KCNQ1OT1: variants seen among roughly 807,000 people sequenced by gnomAD.
KCNQ1OT1 encodes the protein KCNQ1 opposite strand/antisense transcript 1, also known as KCNQ1 antisense RNA 2 (non-protein coding).
At chr11:2,660,890 T>C (rs1849943611) in exon 1 of KCNQ1OT1, 1 of 398,526 alleles carries the variant, frequency 2.5e-6, no homozygotes, top group Non-Finnish European at 4.4e-6. Context: ...CATCATAGTC[T>C]GAATAATTAA....
At chr11:2,628,557 T>C (rs938796378) in exon 1 of KCNQ1OT1, 5 of 398,354 alleles carry the variant, frequency 1.3e-5, no homozygotes, top group African/African-American at 4.1e-5. Flanking sequence ...TTATCAGATA[T>C]ATGGTTGGAA....
exon 1 of KCNQ1OT1, chr11:2,684,794 C>A: frequency 2.5e-6 from 1 of 398,648 alleles, no homozygotes; most frequent in South Asian, 1.3e-4. Context: ...CCCCACTGGT[C>A]TGGGCACATT....
rs58007669 is a variant in KCNQ1OT1 at position 2,628,077 on chromosome 11, A to G, written n.71918T>C. ...ATACTATGTTGCTCATTTCTTGACT[A>G]CTGTAACACTACAATGAACATGGGA... is the stretch of plus-strand genomic sequence containing the variant. On this transcript the variant is annotated non_coding_transcript_exon_variant, in exon 1 of 1. Transcript: ENST00000597346. The G allele has an allele frequency of 5.8e-3, 2,320 of 398,594 alleles. 54 individuals are homozygous for G. Among genetic ancestry groups the G allele is most frequent in the African/African-American group, 0.043 (2,119 of 48,736 alleles). 24.7% of individuals were successfully genotyped at this position (398,594 alleles called of 1,614,324 possible).
At position 2,698,441 on chromosome 11, in the gene KCNQ1OT1, G is replaced by A; in HGVS notation, n.1554C>T. 1 of 374,928 alleles carries A rather than the reference G, an allele frequency of 2.7e-6. No homozygotes were observed. Among genetic ancestry groups the A allele is most frequent in the Non-Finnish European group, 4.6e-6 (1 of 219,296 alleles). The allele number at this position is 374,928 out of a possible 1,614,324, so 23.2% of individuals were successfully genotyped here. Reference sequence around the variant, plus strand: ...GCCCTTCAAGCCTACTACCCAGACTGAGACCTGCATCTGATCAACTCTCAT... The same window carrying A: ...GCCCTTCAAGCCTACTACCCAGACTAAGACCTGCATCTGATCAACTCTCAT... On this transcript the variant is annotated non_coding_transcript_exon_variant, in exon 1 of 1. Coordinates refer to ENST00000597346, the Ensembl canonical transcript of KCNQ1OT1. This position sits in a 1 kb window ranked among gnomAD's most constrained non-coding sequence, Gnocchi z 5.1.
At chr11:2,640,349 C>A (rs1398429962) in exon 1 of KCNQ1OT1, 3 of 398,492 alleles carry the variant, frequency 7.5e-6, no homozygotes, top group African/African-American at 2.1e-5. Flanking sequence ...CATCTTGGAA[C>A]CACCCCACTT....
exon 1 of KCNQ1OT1, chr11:2,610,401 A>C (rs1437788331): frequency 2.5e-6 from 1 of 398,212 alleles, no homozygotes; most frequent in Non-Finnish European, 4.4e-6. Context: ...GCAAGTATAT[A>C]TTTCTAGTTT....
In KCNQ1OT1 at chr11:2,668,148, G is replaced by A; in HGVS notation, n.31847C>T. On this transcript the variant is annotated non_coding_transcript_exon_variant, in exon 1 of 1. Transcript: ENST00000597346. This position sits in a 1 kb window ranked among gnomAD's most constrained non-coding sequence, Gnocchi z 4.3. ...CAGCCTCTCTATGGGGCTGAAGGGA[G>A]AGTGCTCCCTCATGCTCCTTGCTGA... The A allele has an allele frequency of 5.0e-6, 2 of 398,668 alleles. No homozygotes were observed. The highest frequency in any genetic ancestry group is 8.8e-6 in the Non-Finnish European group (2 of 226,092). The allele number at this position is 398,668 out of a possible 1,614,324, so 24.7% of individuals were successfully genotyped here. A position where few individuals can be genotyped will look rare whatever the true frequency, so the allele number is the denominator to read the frequency against.
Position 2,671,644 on chromosome 11 carries a change from CTGCT to C in KCNQ1OT1, n.28347_28350del. 2.5e-6 allele frequency: 1 copy of C among 397,432 alleles called. No homozygotes were observed. The highest frequency in any genetic ancestry group is 4.4e-6 in the Non-Finnish European group (1 of 225,800). 24.6% of individuals were successfully genotyped at this position (397,432 alleles called of 1,614,324 possible). ...TGCCACAGCAGTGTCCTGTGGTGCC[CTGCT>C]GGGGAAACTGAGGCAGAGAGCAGGG... On this transcript the variant is annotated non_coding_transcript_exon_variant, in exon 1 of 1. Coordinates refer to ENST00000597346, the Ensembl canonical transcript of KCNQ1OT1. This position sits in a 1 kb window ranked among gnomAD's most constrained non-coding sequence, Gnocchi z 4.7.
Position 2,657,283 on chromosome 11 carries a change from G to C in KCNQ1OT1, n.42712C>G. ...GCCTTGAGATTTTTATTAAGATTTG[G>C]AGAGATTTATTCAGATTTTGAGATA... On this transcript the variant is annotated non_coding_transcript_exon_variant, in exon 1 of 1. Transcript: ENST00000597346. This position sits in a 1 kb window ranked among gnomAD's most constrained non-coding sequence, Gnocchi z 4.8. The C allele has an allele frequency of 2.5e-6, 1 of 398,590 alleles. No individual in the cohort carries two copies. Among genetic ancestry groups the C allele is most frequent in the East Asian group, 3.6e-5 (1 of 28,078 alleles). 24.7% of individuals were successfully genotyped at this position (398,590 alleles called of 1,614,324 possible). A position where few individuals can be genotyped will look rare whatever the true frequency, so the allele number is the denominator to read the frequency against.
rs1263879107 is a variant in KCNQ1OT1, at chr11:2,654,349, G to C, written n.45646C>G. ...GGGGCTTCTACTTGCAAAGGATAGG[G>C]AGAGCTTCTGTTCATCCTTGTGAAG... On this transcript the variant is annotated non_coding_transcript_exon_variant, in exon 1 of 1. Transcript: ENST00000597346. This position sits in a 1 kb window ranked among gnomAD's most constrained non-coding sequence, Gnocchi z 6.4. The C allele has an allele frequency of 2.5e-6, 1 of 398,608 alleles. No homozygotes were observed. Among genetic ancestry groups the C allele is most frequent in the Non-Finnish European group, 4.4e-6 (1 of 226,204 alleles). 24.7% of individuals were successfully genotyped at this position (398,608 alleles called of 1,614,324 possible). A position where few individuals can be genotyped will look rare whatever the true frequency, so the allele number is the denominator to read the frequency against.
At chr11:2,633,702 C>CT (rs1849401708) in exon 1 of KCNQ1OT1, 9 of 398,438 alleles carry the variant, frequency 2.3e-5, no homozygotes, top group East Asian at 1.4e-4. Context: ...TCTGGGTTCT[C>CT]TATTCTGTTC....
At chr11:2,665,739 A>G in exon 1 of KCNQ1OT1, 1 of 398,424 alleles carries the variant, frequency 2.5e-6, no homozygotes, top group Non-Finnish European at 4.4e-6. Flanking sequence ...CAGAACCCCC[A>G]AAGCCCCAGG....
In KCNQ1OT1 at chr11:2,612,022, CAT is replaced by C. The variant is rs536841135; in HGVS notation, n.87971_87972del. The C allele has an allele frequency of 1.2e-4, 47 of 398,654 alleles. No homozygotes were observed. The highest frequency in any genetic ancestry group is 6.3e-4 in the Middle Eastern group (1 of 1,590). The allele number at this position is 398,654 out of a possible 1,614,324, so 24.7% of individuals were successfully genotyped here. On this transcript the variant is annotated non_coding_transcript_exon_variant, in exon 1 of 1. Coordinates refer to ENST00000597346, the Ensembl canonical transcript of KCNQ1OT1. The surrounding 1 kb of genome is among the most constrained non-coding windows in gnomAD (Gnocchi z 5.5). ...CATATGTTGTTACTCCTTAATTCCA[CAT>C]ATGTTTTCTACTCTTAATTACATAT...
At chr11:2,675,062 G>GCC in exon 1 of KCNQ1OT1, 2 of 398,676 alleles carry the variant, frequency 5.0e-6, no homozygotes, top group Non-Finnish European at 8.8e-6. Flanking sequence ...CAAGGGCAGA[G>GCC]CCCCTGGAGA....
In KCNQ1OT1 at chr11:2,626,522, A is replaced by G. The variant is rs1200817505; in HGVS notation, n.73473T>C. ...ATAGTTTTGATTACTGTAGCTTCGT[A>G]ATAAGTTGGGGTTTTTGTTTGTTTT... On this transcript the variant is annotated non_coding_transcript_exon_variant, in exon 1 of 1. Transcript: ENST00000597346. The surrounding 1 kb of genome is among the most constrained non-coding windows in gnomAD (Gnocchi z 4.0). 1 of 398,334 alleles carries G rather than the reference A, an allele frequency of 2.5e-6. No individual in the cohort carries two copies. Among genetic ancestry groups the G allele is most frequent in the East Asian group, 3.6e-5 (1 of 28,076 alleles). 24.7% of individuals were successfully genotyped at this position (398,334 alleles called of 1,614,324 possible).
chr11:2,684,872 A>G (rs1208205602), exon 1 of KCNQ1OT1: 2 of 398,554 alleles, frequency 5.0e-6, no homozygotes, highest in Non-Finnish European at 8.8e-6. Context: ...TGCTGAGACA[A>G]AAGTTTTAGA....
At position 2,612,697 on chromosome 11, in the gene KCNQ1OT1, C is replaced by T. The variant is rs2133792795; in HGVS notation, n.87298G>A. On this transcript the variant is annotated non_coding_transcript_exon_variant, in exon 1 of 1. Coordinates refer to ENST00000597346, the Ensembl canonical transcript of KCNQ1OT1. This position sits in a 1 kb window ranked among gnomAD's most constrained non-coding sequence, Gnocchi z 5.5. ...TGGTTCTTTGAACATAGTTATAATA[C>T]TTACTTTGAAATCGCGCCCTAACAT... is the stretch of plus-strand genomic sequence containing the variant. The T allele has an allele frequency of 2.5e-6, 1 of 398,498 alleles. No individual in the cohort carries two copies. The highest frequency in any genetic ancestry group is 3.6e-5 in the East Asian group (1 of 28,052). 24.7% of individuals were successfully genotyped at this position (398,498 alleles called of 1,614,324 possible).
chr11:2,694,744 TG>T (rs1850646407), exon 1 of KCNQ1OT1: 1 of 398,506 alleles, frequency 2.5e-6, no homozygotes, highest in Non-Finnish European at 4.4e-6. Flanking sequence ...AATAAGTAGA[TG>T]TCTAAGGAAC....
At chr11:2,630,439 ATTGT>A (rs994584829) in exon 1 of KCNQ1OT1, 3 of 397,980 alleles carry the variant, frequency 7.5e-6, no homozygotes, top group African/African-American at 6.2e-5. Flanking sequence ...ATAAGTTGGG[ATTGT>A]TCCCTCTTTG....
Sources: gnomAD v4.1 joint callset for allele counts on GRCh38, gnomAD v4.1.1 for gene constraint, Gnocchi (gnomAD v3.1) non-coding constraint, MANE v1.5 for transcripts, NCBI Gene and HGNC (gene_info 2026-07-23, HGNC 2026-07-21) for gene names.